ARHGAP22: variants seen among roughly 807,000 people sequenced by gnomAD.
ARHGAP22 encodes the protein Rho GTPase activating protein 22.
Under a neutral mutation model 59.1 loss-of-function variants are expected in ARHGAP22, and 48 were observed. That is an observed-to-expected ratio of 0.81 (90% confidence interval 0.64 to 1.03). The LOEUF (loss-of-function observed/expected upper bound fraction) is 1.03. Ranked by LOEUF, ARHGAP22 falls within the 50% of genes least tolerant of loss-of-function variation. The pLI, the probability that ARHGAP22 is intolerant of heterozygous loss-of-function variation, is 0.00. For missense variants in ARHGAP22, 1,015 were observed against 958.7 expected (o/e 1.06, Z -0.78); for synonymous variants, 445 against 416.4 (o/e 1.07, Z -0.84).
the ARHGAP22 span, chr10:48,431,077 T>G: frequency 1.4e-6 from 1 of 690,194 alleles, no homozygotes; most frequent in African/African-American, 1.8e-5. Context: ...ACTGTCATTG[T>G]AAGGACACTG....
Position 48,451,129 on chromosome 10 carries a change from C to G in ARHGAP22, c.1000G>C (p.Val334Leu), listed in dbSNP as rs746211181. The change falls in exon 9 of 10, where the codon GTC becomes CTC. Residue 334 changes from valine to leucine, a missense_variant. By Grantham distance (32) the Val-to-Leu change is conservative (BLOSUM62 1). Transcript: ENST00000249601. The part of the protein sequence containing the change: ...PVTIMEGTSL[V>L]QHLMTVLIRK... ...ATGAGGACGGTCATCAGGTGCTGGA[C>G]GAGGGAAGTGCCTGCCGGGAAGAGA... 6.4e-7 allele frequency: 1 copy of G among 1,552,230 alleles called. No individual in the cohort carries two copies. The highest frequency in any genetic ancestry group is 2.4e-5 in the East Asian group (1 of 40,970).
intron 3 of ARHGAP22, among the ~76,000 whole-genome samples, chr10:48,553,242 C>G (rs187823383): frequency 6.6e-6 from 1 of 152,388 alleles, no homozygotes; most frequent in East Asian, 1.9e-4. Context: ...CCGTCCCGCT[C>G]TCCCTGAACT....
At chr10:48,578,666 T>C (rs1465430690) in intron 2 of ARHGAP22, among the ~76,000 whole-genome samples, 1 of 133,836 alleles carries the variant, frequency 7.5e-6, no homozygotes, top group African/African-American at 2.8e-5. Context: ...ATTGGGTCTC[T>C]GATTTCATTT....
At chr10:48,524,486 G>A (rs1205388453) in intron 3 of ARHGAP22, among the ~76,000 whole-genome samples, 4 of 122,600 alleles carry the variant, frequency 3.3e-5, no homozygotes, top group Admixed American at 3.1e-4. Context: ...CACGGAGCCG[G>A]GGCTGCCTCC....
intron 1 of ARHGAP22, among the ~76,000 whole-genome samples, chr10:48,592,619 C>T (rs1264799868): frequency 6.6e-6 from 1 of 152,198 alleles, no homozygotes; most frequent in Non-Finnish European, 1.5e-5. Context: ...GCCCCCATGT[C>T]TGTCTATATC....
In ARHGAP22 at chr10:48,450,635, C is replaced by T. The variant is rs78948042; in HGVS notation, c.1494G>A (p.Pro498=). ...CGCTGGGTATGCCGGGGACCAGGCCCGGCGCGGGCACATTGTCGTAGGTGG... is the reference window on the plus strand; with the variant it reads ...CGCTGGGTATGCCGGGGACCAGGCCTGGCGCGGGCACATTGTCGTAGGTGG... The part of the protein sequence containing the change: ...RLSTYDNVPA[P]GLVPGIPSVA... The change falls in exon 9 of 10, where the codon CCG becomes CCA. Residue 498 remains proline (P), a synonymous_variant. Transcript: ENST00000249601. 894 of 1,549,530 alleles carry T rather than the reference C, an allele frequency of 5.8e-4. 1 individual carries two copies. The highest frequency in any genetic ancestry group is 7.1e-4 in the Non-Finnish European group (812 of 1,146,948).
chr10:48,557,367 C>T lies in ARHGAP22; in HGVS notation c.235-1817G>A, dbSNP rs80343788. 8.3e-3 allele frequency among the ~76,000 whole-genome samples: 1,265 copies of T among 152,254 alleles called. 9 individuals are homozygous for T. Among genetic ancestry groups the T allele is most frequent in the Admixed American group, 0.013 (197 of 15,296 alleles). On this transcript the variant is annotated intron_variant, in intron 2 of 9. Coordinates refer to ENST00000249601, the MANE Select transcript of ARHGAP22 (RefSeq NM_021226.4). ...AGGAGAGTAACAATATTGACATTGA[C>T]ATTGCTTTCTACTATAGCTAAATGG... is the stretch of plus-strand genomic sequence containing the variant.
chr10:48,572,565 T>C (rs1458811733), intron 2 of ARHGAP22, among the ~76,000 whole-genome samples: 1 of 152,212 alleles, frequency 6.6e-6, no homozygotes, highest in East Asian at 1.9e-4. Context: ...AGAGTGAATA[T>C]GAGTCACATT....
chr10:48,607,950 C>T (rs1033570682), upstream of ARHGAP22, among the ~76,000 whole-genome samples: 1 of 152,228 alleles, frequency 6.6e-6, no homozygotes, highest in Admixed American at 6.5e-5. Flanking sequence ...ATCAACTGGC[C>T]CAGAGCCAGG....
intron 1 of ARHGAP22, among the ~76,000 whole-genome samples, chr10:48,636,110 C>T (rs896149810): frequency 3.9e-5 from 6 of 152,152 alleles, no homozygotes; most frequent in African/African-American, 1.4e-4. Flanking sequence ...GACTCATTTC[C>T]CAGGGGTCCT....
At chr10:48,444,150 T>A (rs2045268499), downstream of ARHGAP22, 1 of 152,224 alleles carries the variant, frequency 6.6e-6, no homozygotes, top group Non-Finnish European at 1.5e-5. Flanking sequence ...ATTCTAGGGT[T>A]TCGATGAATC....
upstream of ARHGAP22, among the ~76,000 whole-genome samples, chr10:48,608,058 T>C (rs552573919): frequency 5.2e-4 from 79 of 152,326 alleles, no homozygotes; most frequent in Middle Eastern, 3.4e-3. Flanking sequence ...ATTTAACTAG[T>C]CTGCAGTGTT....
At chr10:48,485,571 T>C (rs1225684185) in intron 3 of ARHGAP22, among the ~76,000 whole-genome samples, 1 of 152,234 alleles carries the variant, frequency 6.6e-6, no homozygotes, top group African/African-American at 2.4e-5. Context: ...CTACTTCTTC[T>C]ATCAATTATT....
chr10:48,624,875 C>T (rs1327744365), intron 1 of ARHGAP22: 3 of 152,366 alleles, frequency 2.0e-5, no homozygotes, highest in African/African-American at 7.2e-5. Context: ...TGGTGATCCT[C>T]TAGATAGGGA....
chr10:48,576,953 C>T (rs1262936137), intron 2 of ARHGAP22, among the ~76,000 whole-genome samples: 15 of 134,124 alleles, frequency 1.1e-4, no homozygotes, highest in African/African-American at 3.8e-4. Flanking sequence ...CTTCCCAAAT[C>T]TCCATGGTAA....
chr10:48,523,964 T>C, intron 3 of ARHGAP22: 2 of 1,265,988 alleles, frequency 1.6e-6, no homozygotes, highest in Non-Finnish European at 2.1e-6. Context: ...CGGGCGGCCC[T>C]GGACACCCCG....
upstream of ARHGAP22, among the ~76,000 whole-genome samples, chr10:48,609,858 C>T (rs190894394): frequency 3.3e-5 from 5 of 152,290 alleles, no homozygotes; most frequent in Admixed American, 2.6e-4. Context: ...CATCTATATA[C>T]GAAACCTATC....
chr10:48,607,755 CGGTGCTGCCCCTTTCCAGCAGTGGTCCTA>C (rs1430955518), upstream of ARHGAP22, among the ~76,000 whole-genome samples: 2 of 152,240 alleles, frequency 1.3e-5, no homozygotes, highest in Non-Finnish European at 2.9e-5. Context: ...CCTGCCTGCA[CGGTGCTGCCCCTTTCCAGCAGTGGTCCTA>C]GGTCTGCCTT....
chr10:48,654,641 GGATAA>G (rs1339451698), upstream of ARHGAP22, among the ~76,000 whole-genome samples: 4 of 151,544 alleles, frequency 2.6e-5, no homozygotes, highest in Non-Finnish European at 5.9e-5. Flanking sequence ...GTTGCCCTAA[GGATAA>G]GATACATGAG....
Sources: gnomAD v4.1 joint callset for allele counts (sites outside exome capture counted in the v4.1 genomes callset) on GRCh38, gnomAD v4.1.1 for gene constraint, MANE v1.5 for transcripts, NCBI Gene and HGNC (gene_info 2026-07-23, HGNC 2026-07-21) for gene names.